The following CRB1 variants were observed in gnomAD, a reference collection of about 807,000 sequenced individuals.
CRB1 encodes crumbs cell polarity complex component 1, also known as protein crumbs homolog 1.
CRB1 carries 83 observed loss-of-function variants against 120.0 expected under a neutral mutation model. The observed-to-expected ratio is 0.69, with a 90% CI of 0.58 to 0.83. The LOEUF (loss-of-function observed/expected upper bound fraction) is 0.83, where lower values mean the gene tolerates loss of function less well. CRB1 is among the 40% of genes least tolerant of loss of function. The pLI is 0.00. For missense variants in CRB1, 1,699 were observed against 1,687.6 expected, an observed-to-expected ratio of 1.01 and a Z score of -0.12; for synonymous variants, 625 against 612.5, an observed-to-expected ratio of 1.02 and a Z score of -0.30.
rs1243717438 is a variant in CRB1, at chr1:197,360,781, A to G, written c.1171+3768A>G. ...GAGGACTGGTGTTATTTCTTCCTTT[A>G]CAATATACATGCTGTTTATTTTACT... On this transcript the variant is annotated intron_variant, in intron 5 of 11. Transcript: ENST00000367400. Among the ~76,000 whole-genome samples, 4 of 152,198 alleles carry G rather than the reference A, an allele frequency of 2.6e-5. No individual in the cohort carries two copies. In the East Asian group the frequency reaches 7.7e-4, roughly 29 times the overall value.
the CRB1 span, among the ~76,000 whole-genome samples, chr1:197,232,151 G>A: frequency 6.6e-6 from 1 of 152,168 alleles, no homozygotes; most frequent in Non-Finnish European, 1.5e-5. Flanking sequence ...GCAGAAGCCA[G>A]AAAATGCAAG....
At chr1:197,254,454 T>C in the CRB1 span, among the ~76,000 whole-genome samples, 49 of 152,136 alleles carry the variant, frequency 3.2e-4, 1 homozygote, top group Non-Finnish European at 8.8e-5. Context: ...CTTTTCTTAG[T>C]AGTGTCACCG....
At chr1:197,460,200 CA>C (rs1251731791) in intron 11 of CRB1, among the ~76,000 whole-genome samples, 2 of 151,780 alleles carry the variant, frequency 1.3e-5, no homozygotes, top group East Asian at 3.9e-4. Context: ...CCTGGATCAG[CA>C]TCACTAAAAA....
At position 197,475,803 on chromosome 1, in the gene CRB1, A is replaced by T. The variant is rs77175684; in HGVS notation, c.4006-1861A>T. On this transcript the variant is annotated intron_variant, in intron 11 of 11. Coordinates refer to ENST00000367400, the MANE Select transcript of CRB1 (RefSeq NM_201253.3). ...GTCAATATAGTATTTTCTCTCACCA[A>T]CTCTTTTCACCCTTTCCCAATTCAA... Among the ~76,000 whole-genome samples the T allele has an allele frequency of 4.4e-3, 662 of 151,938 alleles. 9 individuals are homozygous for T. The highest frequency in any genetic ancestry group is 0.015 in the African/African-American group (617 of 41,406).
the CRB1 span, among the ~76,000 whole-genome samples, chr1:197,253,736 T>A: frequency 3.9e-5 from 6 of 152,130 alleles, no homozygotes; most frequent in African/African-American, 1.4e-4. Context: ...AAGAAAAATT[T>A]CTCTAAAATT....
At chr1:197,379,605 CAAAA>C (rs75820081) in intron 5 of CRB1, among the ~76,000 whole-genome samples, 1 of 74,380 alleles carries the variant, frequency 1.3e-5, no homozygotes, top group Admixed American at 1.7e-4. Context: ...CGGCCCCGGC[CAAAA>C]AAAAAAAAAA....
the CRB1 span, among the ~76,000 whole-genome samples, chr1:197,206,247 AT>A: frequency 2.0e-5 from 3 of 150,278 alleles, no homozygotes; most frequent in Non-Finnish European, 3.0e-5. Context: ...TTGTTTCAAT[AT>A]CATTTAGTTC....
At chr1:197,329,416 T>G (rs544080510) in intron 2 of CRB1, among the ~76,000 whole-genome samples, 1 of 152,128 alleles carries the variant, frequency 6.6e-6, no homozygotes, top group African/African-American at 2.4e-5. Context: ...AGTGCTGACT[T>G]GAGTATTATC....
At chr1:197,442,598 A>G (rs1665508115) in intron 11 of CRB1, 1 of 1,314,478 alleles carries the variant, frequency 7.6e-7, no homozygotes, top group Non-Finnish European at 1.0e-6. Context: ...ATATTTTCCT[A>G]TTCTAACTTT....
At chr1:197,306,173 C>CCAG (rs1203396930) in intron 1 of CRB1, among the ~76,000 whole-genome samples, 1 of 152,012 alleles carries the variant, frequency 6.6e-6, no homozygotes, top group Non-Finnish European at 1.5e-5. Flanking sequence ...AAGCAGCTGG[C>CCAG]CAGCAGCTGC....
intron 1 of CRB1, among the ~76,000 whole-genome samples, chr1:197,304,741 A>T (rs757926008): frequency 2.0e-5 from 3 of 152,210 alleles, no homozygotes; most frequent in Non-Finnish European, 4.4e-5. Context: ...TGATGACATG[A>T]GGATCTTGGC....
Position 197,452,391 on chromosome 1 carries a change from A to G in CRB1, c.4005+10099A>G, listed in dbSNP as rs1030118973. Among the ~76,000 whole-genome samples the G allele has an allele frequency of 2.0e-5, 3 of 152,214 alleles. No homozygotes were observed. In the South Asian group the frequency reaches 6.2e-4, roughly 31 times the overall value. The stretch of plus-strand genomic sequence containing the variant: ...GTCTTAGTCTAATGATATTAAAAGT[A>G]CTTTAAAGAAATATGATGACGAATA... On this transcript the variant is annotated intron_variant, in intron 11 of 11. Transcript: ENST00000367400.
chr1:197,312,757 A>G (rs1477535461), intron 1 of CRB1, among the ~76,000 whole-genome samples: 1 of 152,188 alleles, frequency 6.6e-6, no homozygotes, highest in Non-Finnish European at 1.5e-5. Context: ...ATTTTTCATT[A>G]TCTGTAATAT....
chr1:197,427,747 T>G lies in CRB1; in HGVS notation c.2422T>G (p.Tyr808Asp). ...LKIKPYKIEL[Y>D]QSSQNLGFIS... ...AATCAAGCCATATAAAATTGAACTG[T>G]ATCAGTCTTCACAAAACCTAGGATT... Residue 808 changes from tyrosine to aspartate, a missense_variant, in exon 7 of 12, where the codon TAT becomes GAT. Coordinates refer to ENST00000367400, the MANE Select transcript of CRB1 (RefSeq NM_201253.3). The G allele has an allele frequency of 1.2e-6, 2 of 1,614,046 alleles. No individual in the cohort carries two copies. Among genetic ancestry groups the G allele is most frequent in the Non-Finnish European group, 1.7e-6 (2 of 1,179,978 alleles).
At chr1:197,376,818 A>G (rs1271397899) in intron 5 of CRB1, among the ~76,000 whole-genome samples, 2 of 152,106 alleles carry the variant, frequency 1.3e-5, no homozygotes, top group East Asian at 1.9e-4. Flanking sequence ...CATGTTCTCA[A>G]TAAAACTTGT....
At chr1:197,340,983 G>A (rs904652600) in intron 2 of CRB1, among the ~76,000 whole-genome samples, 1 of 152,112 alleles carries the variant, frequency 6.6e-6, no homozygotes, top group African/African-American at 2.4e-5. Context: ...TACATGGATG[G>A]CAGCAGGCAA....
chr1:197,439,528 G>A (rs982972245), intron 10 of CRB1: 7 of 152,154 alleles, frequency 4.6e-5, no homozygotes, highest in African/African-American at 1.7e-4. Context: ...AGGTTGAGCT[G>A]CCTTCAAAGC....
chr1:197,216,956 A>G, the CRB1 span, among the ~76,000 whole-genome samples: 1 of 152,134 alleles, frequency 6.6e-6, no homozygotes, highest in Non-Finnish European at 1.5e-5. Flanking sequence ...AAGACAACCC[A>G]TAGAATGGGA....
intron 1 of CRB1, among the ~76,000 whole-genome samples, chr1:197,309,976 G>A (rs563798431): frequency 1.6e-4 from 24 of 152,126 alleles, no homozygotes; most frequent in Admixed American, 1.4e-3. Context: ...AAATATCTAC[G>A]TTTGCACACT....
Sources: allele counts gnomAD v4.1 joint callset (sites outside exome capture counted in the v4.1 genomes callset), GRCh38; gene constraint gnomAD v4.1.1; transcripts MANE v1.5; gene names NCBI Gene and HGNC (gene_info 2026-07-23, HGNC 2026-07-21).